Variants in FMN1 observed in about 807,000 individuals in gnomAD.
FMN1 encodes formin 1, also known as formin-1.
Under a neutral mutation model 132.4 loss-of-function variants are expected in FMN1, and 110 were observed. That is an observed-to-expected ratio of 0.83 (90% CI 0.71 to 0.97). The LOEUF is 0.97. FMN1 is among the 50% of genes least tolerant of loss of function. FMN1 has a pLI of 0.00. For synonymous variants in FMN1, 722 were observed against 651.7 expected, an observed-to-expected ratio of 1.11 and a Z score of -1.64; for missense variants, 1,792 against 1,705.3, an observed-to-expected ratio of 1.05 and a Z score of -0.90.
intron 7 of FMN1, among the ~76,000 whole-genome samples, chr15:32,991,494 A>C (rs1014651389): frequency 6.6e-6 from 1 of 152,120 alleles, no homozygotes; most frequent in Non-Finnish European, 1.5e-5. Flanking sequence ...CGAAAATCAC[A>C]ATCTAGGGAG....
Position 33,150,536 on chromosome 15 carries a change from G to A in FMN1, c.1867+2512C>T, listed in dbSNP as rs904225929. On this transcript the variant is annotated intron_variant, in intron 4 of 20. Coordinates refer to ENST00000616417, the MANE Select transcript of FMN1 (RefSeq NM_001277313.2). ...TTACAAACCCAACAGAAGGTGCATC[G>A]CTGGCCTCTGTGACATCCTTATGCT... The A allele has an allele frequency of 1.2e-5, 12 of 985,250 alleles. No homozygotes were observed. The South Asian group carries it at 2.3e-4, about 19-fold the overall frequency. 61.0% of individuals were successfully genotyped at this position (985,250 alleles called of 1,614,324 possible). A position where few individuals can be genotyped will look rare whatever the true frequency, so the allele number is the denominator to read the frequency against.
rs575704492 is a variant in FMN1, at chr15:33,097,149, C to A, written c.1868-8175G>T. Among the ~76,000 whole-genome samples, 5 of 151,966 alleles carry A rather than the reference C, an allele frequency of 3.3e-5. No individual in the cohort carries two copies. The South Asian group carries it at 8.3e-4, about 25-fold the overall frequency. ...TCTCTACTAAAAAAAATACAAAAATCAGCCAAGCCTGGTGGCCTGCGCCTG... is the reference window on the plus strand; with the variant it reads ...TCTCTACTAAAAAAAATACAAAAATAAGCCAAGCCTGGTGGCCTGCGCCTG... On this transcript the variant is annotated intron_variant, in intron 4 of 20. Coordinates refer to ENST00000616417, the MANE Select transcript of FMN1 (RefSeq NM_001277313.2).
intron 7 of FMN1, chr15:32,970,790 T>C (rs961473449): frequency 1.1e-4 from 11 of 96,234 alleles, no homozygotes; most frequent in Non-Finnish European, 2.1e-4. Flanking sequence ...TTGTCTGGTG[T>C]TAAAAAAAAA....
At chr15:33,193,731 G>T (rs574373435) in intron 2 of FMN1, among the ~76,000 whole-genome samples, 178 bp downstream of exon 2, 1 of 152,046 alleles carries the variant, frequency 6.6e-6, no homozygotes, top group Admixed American at 6.6e-5. Flanking sequence ...TAAAATAAAG[G>T]GTTTTCTTTG....
chr15:32,997,495 C>A (rs963336006), intron 7 of FMN1, among the ~76,000 whole-genome samples: 20 of 152,102 alleles, frequency 1.3e-4, no homozygotes, highest in African/African-American at 4.6e-4. Context: ...ATGAATCTAG[C>A]CATTCTACTG....
At chr15:32,825,819 G>A (rs1019372577) in intron 17 of FMN1, among the ~76,000 whole-genome samples, 36 of 152,082 alleles carry the variant, frequency 2.4e-4, no homozygotes, top group African/African-American at 8.0e-4. Context: ...TCTTTAAGCC[G>A]GGAGACCGTC....
intron 9 of FMN1, among the ~76,000 whole-genome samples, chr15:32,945,542 CCAACATGTTAGAGTGTTAGG>C (rs1376128344): frequency 6.6e-6 from 1 of 152,170 alleles, no homozygotes; most frequent in Admixed American, 6.5e-5. Flanking sequence ...CTTTTTCTTT[CCAACATGTTAGAGTGTTAGG>C]CTTTTGGAAA....
chr15:32,957,782 C>T lies in FMN1; in HGVS notation c.3138+6325G>A, dbSNP rs188317421. Reference sequence around the variant, plus strand: ...ATAACCATATTAAGGGGGTGTTATTCCCAATTTCGTAGAGAAGAAATCAGT... The same window carrying T: ...ATAACCATATTAAGGGGGTGTTATTTCCAATTTCGTAGAGAAGAAATCAGT... On this transcript the variant is annotated intron_variant, in intron 9 of 20. Transcript: ENST00000616417. 4.2e-3 allele frequency among the ~76,000 whole-genome samples: 632 copies of T among 152,112 alleles called. 4 individuals are homozygous for T. Among genetic ancestry groups the T allele is most frequent in the Non-Finnish European group, 7.2e-3 (488 of 67,978 alleles).
chr15:33,093,947 G>C (rs1009031472), intron 4 of FMN1, among the ~76,000 whole-genome samples: 2 of 152,206 alleles, frequency 1.3e-5, no homozygotes, highest in Admixed American at 1.3e-4. Flanking sequence ...TCATTTTATA[G>C]TTGAGAGAAC....
chr15:33,061,090 G>C (rs76761103), intron 6 of FMN1, among the ~76,000 whole-genome samples: 8,845 of 152,232 alleles, frequency 0.058, 295 homozygotes, highest in South Asian at 0.12. Context: ...TGGGGTAGAG[G>C]ACCTAAAATA....
chr15:33,090,153 T>G (rs2038853217), intron 4 of FMN1, among the ~76,000 whole-genome samples: 1 of 152,138 alleles, frequency 6.6e-6, no homozygotes, highest in Non-Finnish European at 1.5e-5. Context: ...TAGGCAGAAG[T>G]TAAAGGTTTA....
In FMN1 at chr15:32,804,150, T is replaced by A. The variant is rs1402023891; in HGVS notation, c.3980+131A>T. ...ATGGGGAATTTGTGTTTAAAGGGTATAAAGTTTCAGTTGGGGAAGTAAAAA... is the reference window on the plus strand; with the variant it reads ...ATGGGGAATTTGTGTTTAAAGGGTAAAAAGTTTCAGTTGGGGAAGTAAAAA... On this transcript the variant is annotated intron_variant, in intron 18 of 20. Transcript: ENST00000616417. The A allele has an allele frequency of 7.4e-6, 5 of 679,052 alleles. No individual in the cohort carries two copies. The East Asian group carries it at 1.1e-4, about 15-fold the overall frequency. The allele number at this position is 679,052 out of a possible 1,614,324, so 42.1% of individuals were successfully genotyped here.
intron 6 of FMN1, among the ~76,000 whole-genome samples, chr15:33,020,638 CAAAA>C (rs3081420): frequency 1.2e-3 from 169 of 136,382 alleles, no homozygotes; most frequent in Non-Finnish European, 1.9e-3. Flanking sequence ...AACTCCGTCT[CAAAA>C]AAAAAAAAAA....
chr15:32,938,640 C>A (rs977843804), intron 9 of FMN1, among the ~76,000 whole-genome samples: 2 of 152,158 alleles, frequency 1.3e-5, no homozygotes, highest in African/African-American at 2.4e-5. Context: ...AGAAATCATT[C>A]AAATAATATG....
Position 32,770,559 on chromosome 15 carries a change from C to T in FMN1, c.*3751G>A, listed in dbSNP as rs936745884. 1.1e-4 allele frequency: 17 copies of T among 152,178 alleles called. No homozygotes were observed. Among genetic ancestry groups the T allele is most frequent in the African/African-American group, 4.1e-4 (17 of 41,440 alleles). 9.4% of individuals were successfully genotyped at this position (152,178 alleles called of 1,614,324 possible). Reference sequence around the variant, plus strand: ...TTAATACCACCAACATATTTTATTCCTTCCTTCAGTTTTTCCAGTTTCTTT... The same window carrying T: ...TTAATACCACCAACATATTTTATTCTTTCCTTCAGTTTTTCCAGTTTCTTT... On this transcript the variant is annotated 3_prime_UTR_variant, in exon 21 of 21. Transcript: ENST00000616417.
rs139931688 is a variant in FMN1, at chr15:33,037,022, C to A, written c.2161+27935G>T. Among the ~76,000 whole-genome samples, 325 of 152,348 alleles carry A rather than the reference C, an allele frequency of 2.1e-3. 1 individual carries two copies. Among genetic ancestry groups the A allele is most frequent in the African/African-American group, 7.5e-3 (313 of 41,590 alleles). On this transcript the variant is annotated intron_variant, in intron 6 of 20. Coordinates refer to ENST00000616417, the MANE Select transcript of FMN1 (RefSeq NM_001277313.2). Reference sequence around the variant, plus strand: ...GCATTCTGCTATATTTCCTTTTGTTCTTTTTTCCTATACACCTTTATCAGT... The same window carrying A: ...GCATTCTGCTATATTTCCTTTTGTTATTTTTTCCTATACACCTTTATCAGT...
At chr15:32,982,019 T>C (rs1038765811) in intron 7 of FMN1, among the ~76,000 whole-genome samples, 1 of 151,990 alleles carries the variant, frequency 6.6e-6, no homozygotes, top group Non-Finnish European at 1.5e-5. Flanking sequence ...TAGAGAGAAT[T>C]CAGTTAAAAC....
In FMN1 at chr15:33,154,588, C is replaced by G. The variant is rs1406150567; in HGVS notation, c.327G>C (p.Gly109=). The G allele has an allele frequency of 4.6e-6, 7 of 1,536,098 alleles. No individual in the cohort carries two copies. In the Admixed American group the frequency reaches 1.4e-4, roughly 30 times the overall value. ...TCCCCTCCTGGTTCCCCATCGTGATCCCCAGGATGTGGTCTGAGCTCAGGA... is the reference window on the plus strand; with the variant it reads ...TCCCCTCCTGGTTCCCCATCGTGATGCCCAGGATGTGGTCTGAGCTCAGGA... ...TNLLSSDHIL[G]ITMGNQEGKL... Residue 109 remains glycine (G), a synonymous_variant, in exon 4 of 21, where the codon GGG becomes GGC. Coordinates refer to ENST00000616417, the MANE Select transcript of FMN1 (RefSeq NM_001277313.2).
chr15:33,128,080 AG>A (rs1963281496), intron 4 of FMN1, among the ~76,000 whole-genome samples: 2 of 152,196 alleles, frequency 1.3e-5, no homozygotes, highest in Non-Finnish European at 2.9e-5. Flanking sequence ...AGATGGGAGA[AG>A]AAAACCAAGA....
Sources: gnomAD v4.1 joint callset for allele counts (sites outside exome capture counted in the v4.1 genomes callset) on GRCh38, gnomAD v4.1.1 for gene constraint, MANE v1.5 for transcripts, NCBI Gene and HGNC (gene_info 2026-07-23, HGNC 2026-07-21) for gene names.